The following CTNNA2 variants were observed in gnomAD, a reference collection of about 807,000 sequenced individuals.
CTNNA2 encodes catenin alpha 2.
A neutral mutation model predicts 101.0 loss-of-function variants in CTNNA2; 42 were observed. The ratio of observed to expected loss-of-function variants is 0.42; its 90% confidence interval spans 0.32 to 0.54. The LOEUF is 0.54. Among genes scored for constraint, CTNNA2 ranks in the 20% least tolerant of loss-of-function variants. The probability of loss-of-function intolerance (pLI) is 0.14; values close to 1 mark genes in which losing one functional copy is unlikely to be tolerated. For synonymous variants in CTNNA2, 450 were observed against 456.4 expected (o/e 0.99, Z 0.18); for missense variants, 871 against 1,223.1 (o/e 0.71, Z 4.29).
chr2:79,279,879 G>A (rs968071859), intron 2 of CTNNA2, among the ~76,000 whole-genome samples: 1 of 152,000 alleles, frequency 6.6e-6, no homozygotes, highest in Non-Finnish European at 1.5e-5. Context: ...CATCTCCCCA[G>A]AACATTCTCT....
chr2:80,102,678 A>T (rs912797917), intron 7 of CTNNA2, among the ~76,000 whole-genome samples: 3 of 151,784 alleles, frequency 2.0e-5, no homozygotes, highest in Non-Finnish European at 4.4e-5. Flanking sequence ...CACCCAGCTA[A>T]TTTTTGTATT....
intron 1 of CTNNA2, among the ~76,000 whole-genome samples, chr2:79,534,065 C>G (rs1201859103): frequency 6.6e-6 from 1 of 151,610 alleles, no homozygotes; most frequent in African/African-American, 2.4e-5. Flanking sequence ...AAGTGTTATC[C>G]TTCTTGTCAA....
intron 7 of CTNNA2, among the ~76,000 whole-genome samples, chr2:80,003,110 A>AGCC (rs761291916): frequency 6.6e-6 from 1 of 152,202 alleles, no homozygotes; most frequent in Non-Finnish European, 1.5e-5. Context: ...CAGCAGCAGC[A>AGCC]GCCTGTGAGA....
At chr2:79,994,431 AC>A (rs1692400181) in intron 7 of CTNNA2, among the ~76,000 whole-genome samples, 1 of 152,088 alleles carries the variant, frequency 6.6e-6, no homozygotes, top group African/African-American at 2.4e-5. Context: ...ATTCTTGTAC[AC>A]CCTATCACCT....
At chr2:79,486,223 C>A (rs374662428) in intron 4 of CTNNA2, among the ~76,000 whole-genome samples, 1 of 143,924 alleles carries the variant, frequency 6.9e-6, no homozygotes, top group Non-Finnish European at 1.5e-5. Context: ...ATCCCTCCCC[C>A]CTTCCCCCAC....
At chr2:79,217,024 T>C (rs1674272917) in intron 2 of CTNNA2, among the ~76,000 whole-genome samples, 1 of 152,140 alleles carries the variant, frequency 6.6e-6, no homozygotes, top group Admixed American at 6.5e-5. Flanking sequence ...ACGTGTCTCC[T>C]TTGTCTCTAC....
At chr2:79,861,295 G>C (rs1681605418) in intron 4 of CTNNA2, among the ~76,000 whole-genome samples, 1 of 152,138 alleles carries the variant, frequency 6.6e-6, no homozygotes, top group Non-Finnish European at 1.5e-5. Context: ...AATTTTATTT[G>C]TGTTCTTTCC....
intron 3 of CTNNA2, among the ~76,000 whole-genome samples, chr2:79,829,246 G>T (rs1678676026): frequency 6.6e-6 from 1 of 151,644 alleles, no homozygotes; most frequent in Non-Finnish European, 1.5e-5. Flanking sequence ...GGCCAGGCGC[G>T]GTTGGCTCAT....
At chr2:80,043,717 A>T (rs1696334365) in intron 7 of CTNNA2, among the ~76,000 whole-genome samples, 3 of 152,230 alleles carry the variant, frequency 2.0e-5, no homozygotes, top group Non-Finnish European at 4.4e-5. Context: ...TCTGTTAATC[A>T]TACAACTCAG....
intron 3 of CTNNA2, among the ~76,000 whole-genome samples, chr2:79,806,368 C>T (rs540957940): frequency 7.9e-5 from 12 of 152,166 alleles, no homozygotes; most frequent in South Asian, 2.1e-4. Flanking sequence ...TGTGTTCAGA[C>T]GACTTGCACA....
chr2:80,483,834 A>G (rs1686335998), intron 9 of CTNNA2, among the ~76,000 whole-genome samples: 2 of 152,178 alleles, frequency 1.3e-5, no homozygotes, highest in African/African-American at 4.8e-5. Flanking sequence ...AAGAATGAAT[A>G]GTGAGACTTC....
At chr2:80,252,270 G>T (rs1443685423) in intron 7 of CTNNA2, among the ~76,000 whole-genome samples, 1 of 152,052 alleles carries the variant, frequency 6.6e-6, no homozygotes, top group Non-Finnish European at 1.5e-5. Context: ...AATATTTTCT[G>T]GATTACTAAA....
intron 6 of CTNNA2, among the ~76,000 whole-genome samples, chr2:79,897,556 G>C (rs574213467): frequency 6.6e-6 from 1 of 152,148 alleles, no homozygotes; most frequent in Non-Finnish European, 1.5e-5. Flanking sequence ...CTGTTGTATA[G>C]GTACTGCTAA....
At chr2:79,696,958 A>T (rs1158955423) in intron 2 of CTNNA2, among the ~76,000 whole-genome samples, 5 of 151,984 alleles carry the variant, frequency 3.3e-5, no homozygotes, top group Non-Finnish European at 1.5e-5. Context: ...TCCATTTGGT[A>T]AATAAGATCA....
intron 7 of CTNNA2, among the ~76,000 whole-genome samples, chr2:80,351,422 A>G (rs1272523831): frequency 1.3e-5 from 2 of 152,242 alleles, no homozygotes; most frequent in East Asian, 1.9e-4. Flanking sequence ...TCTCACTTCT[A>G]TGAGATGAGT....
chr2:79,533,922 C>T (rs1239789404), intron 1 of CTNNA2, among the ~76,000 whole-genome samples: 1 of 152,130 alleles, frequency 6.6e-6, no homozygotes, highest in Non-Finnish European at 1.5e-5. Flanking sequence ...CCTGCTCGGC[C>T]TTGCTGGAAT....
intron 1 of CTNNA2, among the ~76,000 whole-genome samples, chr2:79,636,290 A>G (rs138647085): frequency 0.1 from 14,176 of 141,418 alleles, 1,421 homozygotes; most frequent in East Asian, 0.35. Context: ...AAAAAAAAAA[A>G]AAAAAAAAAG....
At chr2:79,927,030 A>G (rs1345244105) in intron 7 of CTNNA2, among the ~76,000 whole-genome samples, 1 of 152,142 alleles carries the variant, frequency 6.6e-6, no homozygotes, top group Non-Finnish European at 1.5e-5. Flanking sequence ...GATGGAGAGT[A>G]TACTTTGGGG....
intron 18 of CTNNA2, among the ~76,000 whole-genome samples, chr2:80,641,234 G>A (rs1443521160): frequency 2.0e-5 from 3 of 152,062 alleles, no homozygotes; most frequent in Non-Finnish European, 4.4e-5. Flanking sequence ...AGATGGATTT[G>A]GCTTATTTTA....
Sources: gnomAD v4.1 joint callset for allele counts (sites outside exome capture counted in the v4.1 genomes callset) on GRCh38, gnomAD v4.1.1 for gene constraint, MANE v1.5 for transcripts, NCBI Gene and HGNC (gene_info 2026-07-23, HGNC 2026-07-21) for gene names.